AFF3: variants seen among roughly 807,000 people sequenced by gnomAD.
The protein encoded by AFF3 is AF4/FMR2 family member 3.
A neutral mutation model predicts 129.7 loss-of-function variants in AFF3; 32 were observed. That is an observed-to-expected ratio of 0.25 (90% CI 0.19 to 0.33). The LOEUF (loss-of-function observed/expected upper bound fraction) is 0.33. Among genes scored for constraint, AFF3 ranks in the 10% least tolerant of loss-of-function variants. The pLI, the probability that AFF3 is intolerant of heterozygous loss-of-function variation, is 1.00. For missense variants in AFF3, 1,373 were observed against 1,592.0 expected, an observed-to-expected ratio of 0.86 and a Z score of 2.34; for synonymous variants, 644 against 635.4, an observed-to-expected ratio of 1.01 and a Z score of -0.20.
intron 8 of AFF3, among the ~76,000 whole-genome samples, chr2:99,812,698 T>C (rs1478980081): frequency 6.6e-6 from 1 of 152,226 alleles, no homozygotes; most frequent in African/African-American, 2.4e-5. Flanking sequence ...TAATAATCGG[T>C]TTACTTTCTG....
chr2:99,609,251 G>T (rs1050662951), intron 13 of AFF3, among the ~76,000 whole-genome samples: 3 of 151,498 alleles, frequency 2.0e-5, no homozygotes, highest in East Asian at 1.9e-4. Context: ...TAGGTTTTTG[G>T]GGGGGAGGGG....
intron 11 of AFF3, among the ~76,000 whole-genome samples, chr2:99,699,439 C>CCTAT (rs1353163681): frequency 1.3e-5 from 2 of 152,198 alleles, no homozygotes; most frequent in African/African-American, 4.8e-5. Flanking sequence ...TGTGACAGGA[C>CCTAT]CTATCGCCTG....
chr2:99,954,092 G>C (rs960335335), intron 7 of AFF3, among the ~76,000 whole-genome samples: 1 of 151,588 alleles, frequency 6.6e-6, no homozygotes, highest in Non-Finnish European at 1.5e-5. Context: ...GGAGTGATAT[G>C]GATCCTTTAC....
intron 19 of AFF3, among the ~76,000 whole-genome samples, chr2:99,567,129 G>C (rs1194089282): frequency 7.3e-6 from 1 of 137,496 alleles, no homozygotes; most frequent in African/African-American, 3.1e-5. Context: ...CACCACACCT[G>C]GCTCATTTTT....
intron 7 of AFF3, among the ~76,000 whole-genome samples, chr2:99,869,022 C>T (rs1163942263): frequency 7.3e-6 from 1 of 136,858 alleles, no homozygotes; most frequent in Non-Finnish European, 1.6e-5. Context: ...AACTCCTGGC[C>T]TCAAGTGATC....
At chr2:99,667,785 C>T (rs967621884) in intron 12 of AFF3, among the ~76,000 whole-genome samples, 1 of 152,028 alleles carries the variant, frequency 6.6e-6, no homozygotes, top group African/African-American at 2.4e-5. Context: ...AACAGTGTAC[C>T]ACTTATACCC....
chr2:99,633,311 G>A (rs1323132387), intron 13 of AFF3, among the ~76,000 whole-genome samples: 1 of 152,178 alleles, frequency 6.6e-6, no homozygotes, highest in Non-Finnish European at 1.5e-5. Context: ...TCTCAGCACA[G>A]CAGTGATGAG....
intron 7 of AFF3, among the ~76,000 whole-genome samples, chr2:99,924,459 T>C (rs1696082337): frequency 6.6e-6 from 1 of 152,214 alleles, no homozygotes; most frequent in Non-Finnish European, 1.5e-5. Flanking sequence ...GTCTGAAATA[T>C]ATGTAGTAGG....
intron 13 of AFF3, among the ~76,000 whole-genome samples, chr2:99,619,082 C>T (rs924253547): frequency 6.6e-6 from 1 of 152,184 alleles, no homozygotes; most frequent in Admixed American, 6.5e-5. Context: ...TCAAAGGAAG[C>T]TCCCAAGAGA....
intron 18 of AFF3, among the ~76,000 whole-genome samples, chr2:99,577,661 T>C (rs1387777335): frequency 1.3e-5 from 2 of 152,252 alleles, no homozygotes; most frequent in African/African-American, 4.8e-5. Flanking sequence ...CCTTGACACA[T>C]ACATTTTCCC....
At chr2:99,603,881 A>T (rs758424167) in intron 13 of AFF3, among the ~76,000 whole-genome samples, 1 of 152,222 alleles carries the variant, frequency 6.6e-6, no homozygotes, top group Admixed American at 6.5e-5. Context: ...AAAAAGCTCA[A>T]TATCACTGCT....
intron 11 of AFF3, among the ~76,000 whole-genome samples, chr2:99,721,056 T>C (rs1488357006): frequency 6.6e-6 from 1 of 152,218 alleles, no homozygotes; most frequent in Non-Finnish European, 1.5e-5. Context: ...ATTTATTATT[T>C]CCTATAAATA....
rs57356070 is a variant in AFF3, at chr2:99,572,023, A to G, written c.2919-3108T>C. 7.3e-3 allele frequency among the ~76,000 whole-genome samples: 1,115 copies of G among 152,126 alleles called. 10 individuals carry two copies. The highest frequency in any genetic ancestry group is 0.025 in the African/African-American group (1,045 of 41,514). ...TTAACATGGAAAACCTAGAGTTTTC[A>G]TTTTTCATTTGTGTAATAAAATTCT... is the stretch of plus-strand genomic sequence containing the variant. On this transcript the variant is annotated intron_variant, in intron 18 of 24. Transcript: ENST00000672756.
At chr2:99,773,640 A>T (rs1357633243) in intron 8 of AFF3, among the ~76,000 whole-genome samples, 1 of 152,198 alleles carries the variant, frequency 6.6e-6, no homozygotes, top group African/African-American at 2.4e-5. Context: ...CCTTAACTGA[A>T]GTGGCTGATT....
rs534362491 is a variant in AFF3, at chr2:99,928,541, G to A, written c.873+78091C>T. ...GTTCTCGTAAACTTTGTTTTCCAGTGTCAGATGGAGCTTGAAAGCTGCCAT... is the reference window on the plus strand; with the variant it reads ...GTTCTCGTAAACTTTGTTTTCCAGTATCAGATGGAGCTTGAAAGCTGCCAT... On this transcript the variant is annotated intron_variant, in intron 7 of 24. Transcript: ENST00000672756. Among the ~76,000 whole-genome samples the A allele has an allele frequency of 9.8e-5, 15 of 152,294 alleles. 2 individuals are homozygous for A. In the South Asian group the frequency reaches 2.9e-3, roughly 29 times the overall value.
chr2:99,753,927 G>A (rs1257162714), intron 8 of AFF3, among the ~76,000 whole-genome samples: 3 of 152,186 alleles, frequency 2.0e-5, no homozygotes, highest in African/African-American at 7.2e-5. Context: ...CCTTTGAGGA[G>A]GCTGATAAGC....
At chr2:100,106,519 G>T in intron 2 of AFF3, 1 of 1,001,614 alleles carries the variant, frequency 1.0e-6, no homozygotes, top group Admixed American at 5.3e-5. Context: ...GCGAAAGTGA[G>T]ATCGAGACAT....
At chr2:99,961,771 G>A (rs1449610647) in intron 7 of AFF3, among the ~76,000 whole-genome samples, 2 of 152,146 alleles carry the variant, frequency 1.3e-5, no homozygotes, top group Non-Finnish European at 2.9e-5. Context: ...ACCCGGACCT[G>A]GCATTTCCCA....
intron 13 of AFF3, among the ~76,000 whole-genome samples, chr2:99,632,656 A>G (rs933315098): frequency 4.6e-5 from 7 of 152,134 alleles, no homozygotes; most frequent in Admixed American, 1.3e-4. Flanking sequence ...CTGCCTGTCT[A>G]CCTGAATTCC....
Sources: allele counts gnomAD v4.1 joint callset (sites outside exome capture counted in the v4.1 genomes callset), GRCh38; gene constraint gnomAD v4.1.1; transcripts MANE v1.5; gene names NCBI Gene and HGNC (gene_info 2026-07-23, HGNC 2026-07-21).